The following ABCC4 variants were observed in gnomAD, a reference collection of about 807,000 sequenced individuals.
ABCC4 encodes ATP binding cassette subfamily C member 4 (PEL blood group), also known as ATP-binding cassette sub-family C member 4.
ABCC4 carries 102 observed loss-of-function variants against 168.5 expected under a neutral mutation model. The observed-to-expected ratio is 0.61, with a 90% CI of 0.52 to 0.71. ABCC4 has a LOEUF of 0.71. Among genes scored for constraint, ABCC4 ranks in the 30% least tolerant of loss-of-function variants. The pLI is 0.00. For missense variants in ABCC4, 1,402 were observed against 1,605.8 expected (o/e 0.87, Z 2.17); for synonymous variants, 617 against 590.7 (o/e 1.04, Z -0.65).
chr13:95,139,233 T>G (rs2036236861), intron 19 of ABCC4, among the ~76,000 whole-genome samples: 1 of 152,154 alleles, frequency 6.6e-6, no homozygotes, highest in African/African-American at 2.4e-5. Context: ...TTTGCTCTGT[T>G]TACAAAAGAG....
At chr13:95,061,885 C>T in intron 26 of ABCC4, among the ~76,000 whole-genome samples, 1 of 152,062 alleles carries the variant, frequency 6.6e-6, no homozygotes, top group Non-Finnish European at 1.5e-5. Flanking sequence ...TCAATGAATA[C>T]TTTCTGAATT....
At chr13:95,282,032 G>A (rs1056794816) in intron 1 of ABCC4, among the ~76,000 whole-genome samples, 3 of 151,958 alleles carry the variant, frequency 2.0e-5, no homozygotes, top group Admixed American at 2.0e-4. Context: ...GCTTGAACCT[G>A]GGAGGGGTGG....
intron 19 of ABCC4, among the ~76,000 whole-genome samples, chr13:95,159,926 T>C (rs928856839): frequency 2.0e-5 from 3 of 152,220 alleles, no homozygotes; most frequent in South Asian, 2.1e-4. Flanking sequence ...CATGGCTTCA[T>C]TGTCACTAAC....
intron 1 of ABCC4, among the ~76,000 whole-genome samples, chr13:95,265,816 T>C (rs372197279): frequency 7.4e-4 from 112 of 151,946 alleles, no homozygotes; most frequent in African/African-American, 2.6e-3. Flanking sequence ...TCCGTACAGA[T>C]TGAAAATATG....
At chr13:95,104,751 T>C (rs2034939875) in intron 20 of ABCC4, among the ~76,000 whole-genome samples, 1 of 152,020 alleles carries the variant, frequency 6.6e-6, no homozygotes, top group Non-Finnish European at 1.5e-5. Context: ...TGAGGAAGCA[T>C]AATGAGGCCA....
chr13:95,270,290 T>C (rs1034866053), intron 1 of ABCC4, among the ~76,000 whole-genome samples: 4 of 151,046 alleles, frequency 2.6e-5, no homozygotes, highest in Admixed American at 6.6e-5. Context: ...TTTTTTCATC[T>C]TTTAATACAG....
intron 29 of ABCC4, chr13:95,043,417 A>G (rs867371292): frequency 2.5e-6 from 1 of 397,290 alleles, no homozygotes. Flanking sequence ...TTAGCATCAC[A>G]AGCTGAATCT....
chr13:95,264,148 C>T (rs191323877), intron 1 of ABCC4, among the ~76,000 whole-genome samples: 16 of 151,952 alleles, frequency 1.1e-4, no homozygotes, highest in Admixed American at 2.6e-4. Flanking sequence ...GTCCATAGTG[C>T]TATAAATAAA....
intron 4 of ABCC4, among the ~76,000 whole-genome samples, chr13:95,233,193 T>A (rs1465902100): frequency 1.3e-5 from 2 of 152,174 alleles, no homozygotes; most frequent in African/African-American, 2.4e-5. Context: ...ATGTACACTT[T>A]ACAATGTACA....
chr13:95,249,550 ATTAAC>A (rs1471175990), intron 1 of ABCC4, among the ~76,000 whole-genome samples: 1 of 152,178 alleles, frequency 6.6e-6, no homozygotes, highest in East Asian at 1.9e-4. Flanking sequence ...AGCAATTCTA[ATTAAC>A]CCAATGGCAA....
intron 1 of ABCC4, among the ~76,000 whole-genome samples, chr13:95,287,997 G>A (rs373865664): frequency 2.7e-5 from 4 of 149,306 alleles, no homozygotes; most frequent in Non-Finnish European, 6.0e-5. Flanking sequence ...AGCCGAAATC[G>A]CACCACTGCA....
rs115468559 is a variant in ABCC4 at position 95,211,690 on chromosome 13, G to A, written c.532-909C>T. On this transcript the variant is annotated intron_variant, in intron 4 of 30. Transcript: ENST00000645237. ...TATGGAAGGCAATATGGAACAGTAC[G>A]TGTGGTTTTTCAAGTTAGAGGGAGA... Among the ~76,000 whole-genome samples, 551 of 152,184 alleles carry A rather than the reference G, an allele frequency of 3.6e-3. 2 individuals are homozygous for A. The highest frequency in any genetic ancestry group is 0.013 in the African/African-American group (524 of 41,504).
At chr13:95,045,456 C>T (rs539148733) in intron 27 of ABCC4, among the ~76,000 whole-genome samples, 1 of 152,104 alleles carries the variant, frequency 6.6e-6, no homozygotes, top group Non-Finnish European at 1.5e-5. Flanking sequence ...CAAGTTTAAG[C>T]CCCTATGGCT....
At chr13:95,074,112 A>G (rs1378682351) in intron 23 of ABCC4, 102 bp downstream of exon 23, 1 of 885,784 alleles carries the variant, frequency 1.1e-6, no homozygotes, top group Non-Finnish European at 1.7e-6. Context: ...CATTAGGACC[A>G]AACAGTATGT....
chr13:95,261,934 C>CAA (rs770085700), intron 1 of ABCC4, among the ~76,000 whole-genome samples: 3 of 120,678 alleles, frequency 2.5e-5, no homozygotes, highest in Admixed American at 8.4e-5. Flanking sequence ...CTTCTCTCCA[C>CAA]ACAAAAAAAA....
Position 95,021,544 on chromosome 13 carries a change from CT to C in ABCC4, c.*30del. ...TAGTCCAAAAACTAGTGGAAAATGC[CT>C]TCGGAACGGACTTGACATTTTGGTT... On this transcript the variant is annotated 3_prime_UTR_variant, in exon 31 of 31. Transcript: ENST00000645237. 6.6e-7 allele frequency: 1 copy of C among 1,521,050 alleles called. No homozygotes were observed. The highest frequency in any genetic ancestry group is 2.3e-5 in the East Asian group (1 of 44,442). The allele number at this position is 1,521,050 out of a possible 1,614,324, so 94.2% of individuals were successfully genotyped here.
Position 95,262,477 on chromosome 13 carries a change from G to GT in ABCC4, c.75-14725dup, listed in dbSNP as rs1477052199. On this transcript the variant is annotated intron_variant, in intron 1 of 30. Coordinates refer to ENST00000645237, the MANE Select transcript of ABCC4 (RefSeq NM_005845.5). ...CTGATCCTCTTTAGTGACAAATCCTGTATTTGTGAGTTTGCCTACTTGCTA... is the reference window on the plus strand; with the variant it reads ...CTGATCCTCTTTAGTGACAAATCCTGTTATTTGTGAGTTTGCCTACTTGCTA... 9.9e-5 allele frequency among the ~76,000 whole-genome samples: 15 copies of GT among 152,280 alleles called. No homozygotes were observed. The East Asian group carries it at 2.9e-3, about 29-fold the overall frequency.
At chr13:95,274,411 T>A (rs2040921320) in intron 1 of ABCC4, among the ~76,000 whole-genome samples, 1 of 152,182 alleles carries the variant, frequency 6.6e-6, no homozygotes, top group Admixed American at 6.5e-5. Context: ...GCCGTCTTTA[T>A]CTAGCCTGTC....
chr13:95,181,483 T>A (rs1054717497), intron 11 of ABCC4, among the ~76,000 whole-genome samples: 1 of 152,332 alleles, frequency 6.6e-6, no homozygotes, highest in Admixed American at 6.5e-5. Flanking sequence ...TCAGAAAACA[T>A]CACTCTCTCT....
Sources: gnomAD v4.1 joint callset for allele counts (sites outside exome capture counted in the v4.1 genomes callset) on GRCh38, gnomAD v4.1.1 for gene constraint, MANE v1.5 for transcripts, NCBI Gene and HGNC (gene_info 2026-07-23, HGNC 2026-07-21) for gene names.